AK9: variants seen among roughly 807,000 people sequenced by gnomAD.
The protein encoded by AK9 is adenylate kinase domain containing 1.
In AK9, 191 loss-of-function variants were observed where a neutral mutation model predicts 239.6. The observed-to-expected ratio is 0.80, with a 90% CI of 0.71 to 0.90. The LOEUF (loss-of-function observed/expected upper bound fraction) is 0.90, where lower values mean the gene tolerates loss of function less well. AK9 is among the 40% of genes least tolerant of loss of function. The pLI is 0.00. For missense variants in AK9, 1,995 were observed against 2,214.7 expected, an observed-to-expected ratio of 0.90 and a Z score of 1.99; for synonymous variants, 689 against 721.0, an observed-to-expected ratio of 0.96 and a Z score of 0.71.
At chr6:109,528,109 TGGAGAAG>T (rs1780746629) in intron 29 of AK9, 1 of 185,226 alleles carries the variant, frequency 5.4e-6, no homozygotes, top group South Asian at 1.1e-4. Flanking sequence ...CAGTGAGAAC[TGGAGAAG>T]GGATACTGCG....
intron 35 of AK9, among the ~76,000 whole-genome samples, chr6:109,505,529 A>G (rs1778023089): frequency 6.6e-6 from 1 of 152,212 alleles, no homozygotes; most frequent in Admixed American, 6.5e-5. Flanking sequence ...TTTTTTATGG[A>G]CTCAACATTT....
At chr6:109,664,811 G>A (rs918786748) in intron 5 of AK9, among the ~76,000 whole-genome samples, 1 of 151,816 alleles carries the variant, frequency 6.6e-6, no homozygotes, top group African/African-American at 2.4e-5. Flanking sequence ...GAGGAGGGTG[G>A]ATCACAAGGT....
chr6:109,667,056 G>A (rs1436630545), intron 5 of AK9, among the ~76,000 whole-genome samples: 2 of 152,346 alleles, frequency 1.3e-5, no homozygotes, highest in East Asian at 3.9e-4. Context: ...ATAGCTCCGA[G>A]AAGCTGATTT....
intron 6 of AK9, 95 bp downstream of exon 6, chr6:109,662,456 C>T (rs1800558209): frequency 2.0e-6 from 2 of 1,020,206 alleles, no homozygotes; most frequent in Non-Finnish European, 2.6e-6. Context: ...GTTATTATCT[C>T]CATAACTATT....
At chr6:109,539,638 G>T (rs1782568345) in intron 27 of AK9, among the ~76,000 whole-genome samples, 1 of 152,172 alleles carries the variant, frequency 6.6e-6, no homozygotes, top group South Asian at 2.1e-4. Context: ...TTGTTCCATT[G>T]CTGGCAAGGA....
At chr6:109,636,750 TCACACACACA>T (rs57475668) in intron 10 of AK9, among the ~76,000 whole-genome samples, 2 of 135,472 alleles carry the variant, frequency 1.5e-5, no homozygotes, top group African/African-American at 5.6e-5. Flanking sequence ...TAATATTCCA[TCACACACACA>T]CACACACACA....
intron 10 of AK9, 133 bp from the exon 11 acceptor site, chr6:109,633,456 T>C: frequency 1.0e-6 from 1 of 983,618 alleles, no homozygotes. Flanking sequence ...TTTTGGCTTT[T>C]TTCTTAATTG....
chr6:109,499,186 C>G lies in AK9; in HGVS notation c.4904G>C (p.Arg1635Pro), dbSNP rs749268272. 2 of 1,592,032 alleles carry G rather than the reference C, an allele frequency of 1.3e-6. No individual in the cohort carries two copies. Among genetic ancestry groups the G allele is most frequent in the Non-Finnish European group, 1.7e-6 (2 of 1,168,268 alleles). Residue 1635 changes from arginine to proline, a missense_variant, in exon 36 of 41, where the codon CGC becomes CCC. Arg to Pro is a moderately radical substitution (Grantham distance 103, BLOSUM62 -2). Around this residue, in one of 5 missense-constraint regions of AK9, gnomAD observed 391 missense variants for 456.0 expected, o/e 0.86. Coordinates refer to ENST00000424296, the MANE Select transcript of AK9 (RefSeq NM_001145128.3). Reference sequence around the variant, plus strand: ...GCAGAACTGTTCAAATTCTCCCAGGCGAGAAAGCAGCTCTTGAGGTGTGAT... The same window carrying G: ...GCAGAACTGTTCAAATTCTCCCAGGGGAGAAAGCAGCTCTTGAGGTGTGAT... ...LCITPQELLS[R>P]LGEFEQFCPV...
chr6:109,570,709 T>C (rs1787302559), intron 21 of AK9, among the ~76,000 whole-genome samples: 1 of 152,082 alleles, frequency 6.6e-6, no homozygotes, highest in Non-Finnish European at 1.5e-5. Flanking sequence ...AAAAGAAGAT[T>C]AACGTGGTTG....
intron 35 of AK9, among the ~76,000 whole-genome samples, chr6:109,505,032 C>T (rs1777974310): frequency 6.6e-6 from 1 of 152,180 alleles, no homozygotes; most frequent in African/African-American, 2.4e-5. Context: ...GCGATCCCAT[C>T]CAGAGCTTAT....
rs1554230922 is a variant in AK9, at chr6:109,497,362, A to ACACACACTCTCT, written c.5315+102_5315+103insAGAGAGTGTGTG. ...CACACACACACACACACACACACAC[A>ACACACACTCTCT]CTCTCTCTCTCTCTCTCTCTCTCAC... is the stretch of plus-strand genomic sequence containing the variant. On this transcript the variant is annotated intron_variant, in intron 38 of 40. Coordinates refer to ENST00000424296, the MANE Select transcript of AK9 (RefSeq NM_001145128.3). The ACACACACTCTCT allele has an allele frequency of 2.8e-5, 14 of 500,562 alleles. No individual in the cohort carries two copies. The African/African-American group carries it at 3.5e-4, about 13-fold the overall frequency. 31.0% of individuals were successfully genotyped at this position (500,562 alleles called of 1,614,324 possible).
chr6:109,634,560 G>A (rs1168606167), intron 10 of AK9, among the ~76,000 whole-genome samples: 1 of 152,190 alleles, frequency 6.6e-6, no homozygotes, highest in East Asian at 1.9e-4. Flanking sequence ...GAGATTGTGA[G>A]CTATGATCTT....
intron 21 of AK9, among the ~76,000 whole-genome samples, 164 bp from the exon 22 acceptor site, chr6:109,565,009 T>C (rs1250660885): frequency 6.6e-6 from 1 of 152,008 alleles, no homozygotes; most frequent in African/African-American, 2.4e-5. Flanking sequence ...GAATACATAA[T>C]AAAAAAGGCA....
chr6:109,594,755 G>T (rs1277608092), intron 17 of AK9, among the ~76,000 whole-genome samples: 1 of 152,126 alleles, frequency 6.6e-6, no homozygotes, highest in Non-Finnish European at 1.5e-5. Context: ...AACAAGCAAT[G>T]GGGAAAGGAT....
At chr6:109,537,289 AT>A (rs1373481451) in intron 27 of AK9, among the ~76,000 whole-genome samples, 1 of 151,886 alleles carries the variant, frequency 6.6e-6, no homozygotes, top group Non-Finnish European at 1.5e-5. Context: ...AGAGCCTGTT[AT>A]TGGGTGATTC....
At chr6:109,598,647 A>C (rs1300076793) in intron 17 of AK9, among the ~76,000 whole-genome samples, 1 of 152,212 alleles carries the variant, frequency 6.6e-6, no homozygotes. Flanking sequence ...AGGAATCGCC[A>C]CACTGTCTTC....
At chr6:109,654,013 C>T (rs1440760872) in intron 8 of AK9, among the ~76,000 whole-genome samples, 2 of 151,164 alleles carry the variant, frequency 1.3e-5, no homozygotes, top group Non-Finnish European at 2.9e-5. Flanking sequence ...AGACCCACCT[C>T]CATCCTTCCT....
chr6:109,516,589 A>C lies in AK9; in HGVS notation c.3687T>G (p.Asn1229Lys). ...CTTCAAGGATGTTTTCAATATCATC[A>C]TTGTCTTCTTCAAGTTCTTCCTCAC... ...EISEEELEED[N>K]DDIENILEDE... Residue 1229 changes from asparagine (N) to lysine (K), a missense_variant, in exon 30 of 41, where the codon AAT (asparagine) becomes AAG (lysine). Around this residue, in one of 5 missense-constraint regions of AK9, gnomAD observed 1,290 missense variants for 1,392.7 expected, o/e 0.93. Transcript: ENST00000424296. 5 of 1,550,804 alleles carry C rather than the reference A, an allele frequency of 3.2e-6. No homozygotes were observed. Among genetic ancestry groups the C allele is most frequent in the Non-Finnish European group, 4.4e-6 (5 of 1,146,852 alleles).
intron 5 of AK9, among the ~76,000 whole-genome samples, chr6:109,664,826 C>T (rs556252990): frequency 1.1e-4 from 17 of 151,700 alleles, no homozygotes; most frequent in Non-Finnish European, 2.4e-4. Context: ...CAAGGTCAGG[C>T]GTTCAAGACC....
Sources: allele counts gnomAD v4.1 joint callset (sites outside exome capture counted in the v4.1 genomes callset), GRCh38; gene constraint gnomAD v4.1.1; regional missense constraint gnomAD v4.1.1; transcripts MANE v1.5; gene names NCBI Gene and HGNC (gene_info 2026-07-23, HGNC 2026-07-21).